Variants in DIAPH3 observed in about 807,000 individuals in gnomAD.
DIAPH3 encodes the protein protein diaphanous homolog 3.
A neutral mutation model predicts 144.3 loss-of-function variants in DIAPH3; 117 were observed. The ratio of observed to expected loss-of-function variants is 0.81; its 90% CI spans 0.70 to 0.95. The LOEUF (loss-of-function observed/expected upper bound fraction) is 0.95, where lower values mean the gene tolerates loss of function less well. Among genes scored for constraint, DIAPH3 ranks in the 40% least tolerant of loss-of-function variants. DIAPH3 has a pLI of 0.00. For missense variants in DIAPH3, 1,421 were observed against 1,412.7 expected (o/e 1.01, Z -0.09); for synonymous variants, 519 against 488.9 (o/e 1.06, Z -0.81).
chr13:59,726,251 T>C (rs919226373), intron 27 of DIAPH3, among the ~76,000 whole-genome samples: 4 of 152,332 alleles, frequency 2.6e-5, no homozygotes, highest in South Asian at 2.1e-4. Context: ...TTTTTGTGTG[T>C]CTGGACCTAC....
intron 17 of DIAPH3, among the ~76,000 whole-genome samples, chr13:59,928,599 G>A (rs1409674545): frequency 6.6e-6 from 1 of 152,088 alleles, no homozygotes; most frequent in African/African-American, 2.4e-5. Context: ...TGGAGTTTTG[G>A]GTGGGAGCAG....
In DIAPH3 at chr13:59,970,719, A is replaced by C. The variant is rs2050316421; in HGVS notation, c.1959+133T>G. 3.8e-6 allele frequency: 3 copies of C among 785,524 alleles called. No homozygotes were observed. In the East Asian group the frequency reaches 8.8e-5, roughly 23 times the overall value. 48.7% of individuals were successfully genotyped at this position (785,524 alleles called of 1,614,324 possible). ...TATTTTATTGTCACTTTGATTAGTGACATTAGAAATTATGTATATATAAAT... is the reference window on the plus strand; with the variant it reads ...TATTTTATTGTCACTTTGATTAGTGCCATTAGAAATTATGTATATATAAAT... On this transcript the variant is annotated intron_variant, in intron 16 of 27. Transcript: ENST00000400324.
intron 20 of DIAPH3, among the ~76,000 whole-genome samples, chr13:59,901,643 C>G (rs1396512764): frequency 6.6e-6 from 1 of 152,192 alleles, no homozygotes; most frequent in African/African-American, 2.4e-5. Flanking sequence ...AACTCAGAGT[C>G]TGCAGCAATA....
chr13:60,113,306 T>C (rs1465909930), intron 2 of DIAPH3, among the ~76,000 whole-genome samples: 1 of 152,210 alleles, frequency 6.6e-6, no homozygotes, highest in South Asian at 2.1e-4. Context: ...ACAGAGCTGG[T>C]ATAGCCATTA....
chr13:60,135,726 C>G (rs560131074), intron 1 of DIAPH3, among the ~76,000 whole-genome samples: 1 of 152,136 alleles, frequency 6.6e-6, no homozygotes, highest in Non-Finnish European at 1.5e-5. Flanking sequence ...GGTTTCATTT[C>G]AAGATTTAGC....
intron 22 of DIAPH3, among the ~76,000 whole-genome samples, chr13:59,844,337 TA>T (rs2042508357): frequency 6.6e-6 from 1 of 151,882 alleles, no homozygotes; most frequent in Non-Finnish European, 1.5e-5. Context: ...ACCCCGTCTC[TA>T]CTAAAAATAT....
intron 2 of DIAPH3, among the ~76,000 whole-genome samples, chr13:60,123,782 C>T (rs1487693458): frequency 6.6e-6 from 1 of 152,016 alleles, no homozygotes; most frequent in African/African-American, 2.4e-5. Context: ...TTGTTATTAA[C>T]TTACCAAGGA....
intron 22 of DIAPH3, among the ~76,000 whole-genome samples, chr13:59,855,787 A>G (rs773374388): frequency 6.6e-6 from 1 of 151,952 alleles, no homozygotes; most frequent in Non-Finnish European, 1.5e-5. Context: ...GAAAGGTGTC[A>G]AGAGATAACT....
intron 5 of DIAPH3, among the ~76,000 whole-genome samples, chr13:60,038,898 GCTGT>G (rs1344731231): frequency 6.6e-6 from 1 of 151,880 alleles, no homozygotes; most frequent in African/African-American, 2.4e-5. Context: ...AAATGATGTT[GCTGT>G]CTACCTTTTT....
At chr13:59,870,331 ATTT>A (rs929282408) in intron 21 of DIAPH3, among the ~76,000 whole-genome samples, 3 of 151,384 alleles carry the variant, frequency 2.0e-5, no homozygotes, top group African/African-American at 7.3e-5. Context: ...AATTATTTTT[ATTT>A]TTTTTCCCTT....
intron 25 of DIAPH3, among the ~76,000 whole-genome samples, chr13:59,781,158 G>T (rs1205729584): frequency 6.6e-6 from 1 of 152,192 alleles, no homozygotes; most frequent in Non-Finnish European, 1.5e-5. Flanking sequence ...GTTCTAGAAT[G>T]CTGCAAGCAA....
intron 25 of DIAPH3, among the ~76,000 whole-genome samples, chr13:59,776,185 A>T (rs1413497014): frequency 6.6e-6 from 1 of 152,244 alleles, no homozygotes; most frequent in African/African-American, 2.4e-5. Context: ...TACAAATAAC[A>T]TACTCATTTA....
chr13:59,881,074 T>C (rs1425225221), intron 20 of DIAPH3, among the ~76,000 whole-genome samples: 1 of 151,776 alleles, frequency 6.6e-6, no homozygotes, highest in Non-Finnish European at 1.5e-5. Flanking sequence ...AGATGTACTA[T>C]TATAATGTTG....
At chr13:59,740,696 G>C (rs1228715890) in intron 27 of DIAPH3, among the ~76,000 whole-genome samples, 1 of 152,088 alleles carries the variant, frequency 6.6e-6, no homozygotes, top group Admixed American at 6.6e-5. Context: ...GTCAAGAAAC[G>C]TACCGCAAGC....
At chr13:60,136,356 G>A (rs369328212) in intron 1 of DIAPH3, among the ~76,000 whole-genome samples, 209 of 151,470 alleles carry the variant, frequency 1.4e-3, no homozygotes, top group Non-Finnish European at 2.3e-3. Context: ...AGTAGCCACC[G>A]TGGACATCTA....
chr13:59,944,796 G>GA (rs1025420790), intron 17 of DIAPH3, among the ~76,000 whole-genome samples: 1 of 148,680 alleles, frequency 6.7e-6, no homozygotes, highest in African/African-American at 2.5e-5. Context: ...AGAAAAAAAG[G>GA]GGGGGGGCTA....
intron 27 of DIAPH3, among the ~76,000 whole-genome samples, chr13:59,679,791 ACT>A (rs2032846259): frequency 6.6e-6 from 1 of 152,218 alleles, no homozygotes; most frequent in African/African-American, 2.4e-5. Flanking sequence ...TCATTAAGTT[ACT>A]GAGAGAAATA....
At chr13:59,795,733 G>A (rs537513958) in intron 25 of DIAPH3, among the ~76,000 whole-genome samples, 175 of 152,206 alleles carry the variant, frequency 1.1e-3, no homozygotes, top group African/African-American at 4.1e-3. Flanking sequence ...GATTACAGGC[G>A]TGAAACACTG....
At chr13:59,977,696 C>T (rs2140652183) in intron 14 of DIAPH3, among the ~76,000 whole-genome samples, 1 of 151,610 alleles carries the variant, frequency 6.6e-6, no homozygotes, top group East Asian at 1.9e-4. Context: ...ACTACAGAAT[C>T]CAAAAATGTT....
Sources: gnomAD v4.1 joint callset for allele counts (sites outside exome capture counted in the v4.1 genomes callset) on GRCh38, gnomAD v4.1.1 for gene constraint, MANE v1.5 for transcripts, NCBI Gene and HGNC (gene_info 2026-07-23, HGNC 2026-07-21) for gene names.